The following ARID3A variants were observed in gnomAD, a reference collection of about 807,000 sequenced individuals.
ARID3A encodes AT-rich interaction domain 3A.
A neutral mutation model predicts 52.7 loss-of-function variants in ARID3A; 11 were observed. That is an observed-to-expected ratio of 0.21 (90% CI 0.13 to 0.35). The LOEUF is 0.35. Ranked by LOEUF, ARID3A falls within the 10% of genes least tolerant of loss-of-function variation. The pLI is 1.00. For missense variants in ARID3A, 721 were observed against 838.5 expected (o/e 0.86, Z 1.73); for synonymous variants, 404 against 359.4 (o/e 1.12, Z -1.40).
At chr19:932,794 G>T in intron 3 of ARID3A, 52 bp downstream of exon 3, 2 of 1,543,208 alleles carry the variant, frequency 1.3e-6, no homozygotes, top group South Asian at 1.2e-5. Flanking sequence ...CTGGGCCAGT[G>T]GGGCCCTTTG....
intron 3 of ARID3A, among the ~76,000 whole-genome samples, chr19:936,206 A>G (rs2037435492): frequency 6.6e-6 from 1 of 152,254 alleles, no homozygotes; most frequent in African/African-American, 2.4e-5. Flanking sequence ...ATGAATCTTA[A>G]AAAACAGCTT....
At chr19:957,185 T>G (rs2037939566) in intron 3 of ARID3A, among the ~76,000 whole-genome samples, 2 of 151,960 alleles carry the variant, frequency 1.3e-5, no homozygotes, top group African/African-American at 4.8e-5. Flanking sequence ...TGGAAGACGT[T>G]CCGGGGCCTG....
At chr19:935,948 G>A (rs1335347195) in intron 3 of ARID3A, among the ~76,000 whole-genome samples, 1 of 152,102 alleles carries the variant, frequency 6.6e-6, no homozygotes, top group Non-Finnish European at 1.5e-5. Flanking sequence ...CCGCCACCGC[G>A]CCCGGCTAAT....
chr19:932,499 G>T lies in ARID3A; in HGVS notation c.450G>T (p.Glu150Asp), dbSNP rs201472856. ...AGGAGGAGGAGGATTACGAGGATGA[G>T]GAGGAGGAGGAGGACGAGGAGGGGC... ...EEEEEEDYED[E>D]EEEEDEEGLG... Residue 150 changes from glutamate to aspartate, a missense_variant, in exon 3 of 9, where the codon GAG becomes GAT. Coordinates refer to ENST00000263620, the MANE Select transcript of ARID3A (RefSeq NM_005224.3). The T allele has an allele frequency of 2.8e-6, 4 of 1,442,340 alleles. No individual in the cohort carries two copies. The East Asian group carries it at 7.7e-5, about 28-fold the overall frequency. 89.3% of individuals were successfully genotyped at this position (1,442,340 alleles called of 1,614,324 possible). A position where few individuals can be genotyped will look rare whatever the true frequency, so the allele number is the denominator to read the frequency against.
chr19:966,891 C>T (rs113560697), intron 7 of ARID3A, 23 bp downstream of exon 7: 164,567 of 1,579,264 alleles, frequency 0.1, 10,115 homozygotes, highest in South Asian at 0.26. Context: ...TGCCCAGACC[C>T]GCTGTGCTTC....
chr19:941,779 C>CTGTGTG lies in ARID3A; in HGVS notation c.693+9061_693+9066dup, dbSNP rs34643064. On this transcript the variant is annotated intron_variant, in intron 3 of 8. Coordinates refer to ENST00000263620, the MANE Select transcript of ARID3A (RefSeq NM_005224.3). The surrounding 1 kb of genome is among the most constrained non-coding windows in gnomAD (Gnocchi z 6.9). ...TCTCTTGTGTTTTGTGTGGATGTGG[C>CTGTGTG]TGTGTGTGTGTGTGTGTGTGTGTGT... Among the ~76,000 whole-genome samples, 2,598 of 146,226 alleles carry CTGTGTG rather than the reference C, an allele frequency of 0.018. 21 individuals carry two copies. The highest frequency in any genetic ancestry group is 0.027 in the African/African-American group (1,081 of 39,610).
At position 960,162 on chromosome 19, in the gene ARID3A, G is replaced by A; in HGVS notation, c.764G>A (p.Arg255Gln). 3 of 1,610,922 alleles carry A rather than the reference G, an allele frequency of 1.9e-6. No individual in the cohort carries two copies. Among genetic ancestry groups the A allele is most frequent in the Non-Finnish European group, 2.5e-6 (3 of 1,178,216 alleles). ...GACTTGTTCAGCTTCATGCAGAAGC[G>A]AGGTGAGCCCTCTGCCCCCACCCCG... The part of the protein sequence containing the change: ...LDDLFSFMQK[R>Q]GTPVNRIPIM... The change falls in exon 4 of 9, where the codon CGA (arginine) becomes CAA (glutamine). Residue 255 changes from arginine (R) to glutamine (Q), a missense_variant and splice_region_variant. Coordinates refer to ENST00000263620, the MANE Select transcript of ARID3A (RefSeq NM_005224.3). The surrounding 1 kb of genome is among the most constrained non-coding windows in gnomAD (Gnocchi z 4.3).
intron 3 of ARID3A, among the ~76,000 whole-genome samples, chr19:945,281 CAGA>C (rs1250067058): frequency 6.6e-6 from 1 of 152,248 alleles, no homozygotes; most frequent in African/African-American, 2.4e-5. Flanking sequence ...GGGATGGTAT[CAGA>C]AGGAGTGCAG....
rs2038303694 is a variant in ARID3A at position 972,666 on chromosome 19, G to A, written c.*601G>A. On this transcript the variant is annotated 3_prime_UTR_variant, in exon 9 of 9. Transcript: ENST00000263620. ...TCTGTAGGGTTTTTAAGAGGTTTCG[G>A]GGGTTTTGTTGTGTAAATATTCTAT... 4.5e-6 allele frequency: 1 copy of A among 220,714 alleles called. No homozygotes were observed. Among genetic ancestry groups the A allele is most frequent in the Admixed American group, 5.8e-5 (1 of 17,210 alleles). 13.7% of individuals were successfully genotyped at this position (220,714 alleles called of 1,614,324 possible).
In ARID3A at chr19:973,333, C is replaced by T. The variant is rs373681045; in HGVS notation, c.*1268C>T. On this transcript the variant is annotated 3_prime_UTR_variant, in exon 9 of 9. Coordinates refer to ENST00000263620, the MANE Select transcript of ARID3A (RefSeq NM_005224.3). ...TTTGCCATGTTGGTCAGGCTGATCT[C>T]GAACTCCTGACCTCAGGTGATCTGC... 1 of 179,238 alleles carries T rather than the reference C, an allele frequency of 5.6e-6. No individual in the cohort carries two copies. Among genetic ancestry groups the T allele is most frequent in the South Asian group, 2.0e-4 (1 of 5,038 alleles). The allele number at this position is 179,238 out of a possible 1,614,324, so 11.1% of individuals were successfully genotyped here.
Position 966,853 on chromosome 19 carries a change from C to A in ARID3A, c.1480C>A (p.Arg494=). 6.2e-7 allele frequency: 1 copy of A among 1,609,788 alleles called. No homozygotes were observed. Among genetic ancestry groups the A allele is most frequent in the Non-Finnish European group, 8.5e-7 (1 of 1,177,224 alleles). ...AMAAQLPMSI[R]INSQASESRQ... The stretch of plus-strand genomic sequence containing the variant: ...GGCGGCCCAGCTGCCCATGAGCATT[C>A]GGATCAACAGCCAAGGTACTGCCCT... Residue 494 remains arginine (R), a synonymous_variant, in exon 7 of 9, where the codon CGG becomes AGG. Coordinates refer to ENST00000263620, the MANE Select transcript of ARID3A (RefSeq NM_005224.3).
rs749229442 is a variant in ARID3A, at chr19:944,657, G to C, written c.693+11915G>C. 3.9e-5 allele frequency among the ~76,000 whole-genome samples: 6 copies of C among 152,144 alleles called. No individual in the cohort carries two copies. Among genetic ancestry groups the C allele is most frequent in the Non-Finnish European group, 7.4e-5 (5 of 68,022 alleles). ...GGGGTGGATTTTGAGACAGGGTCTCGTGCTGTCACCCAGGCTGGAGTGCCG... is the reference window on the plus strand; with the variant it reads ...GGGGTGGATTTTGAGACAGGGTCTCCTGCTGTCACCCAGGCTGGAGTGCCG... On this transcript the variant is annotated intron_variant, in intron 3 of 8. Transcript: ENST00000263620. This position sits in a 1 kb window ranked among gnomAD's most constrained non-coding sequence, Gnocchi z 5.9.
At chr19:969,808 C>G (rs189220836) in intron 8 of ARID3A, among the ~76,000 whole-genome samples, 5 of 151,172 alleles carry the variant, frequency 3.3e-5, no homozygotes, top group Non-Finnish European at 7.4e-5. Flanking sequence ...CTGCCTCAGC[C>G]TCCCCAAGTA....
At chr19:932,920 C>T (rs1230344033) in intron 3 of ARID3A, among the ~76,000 whole-genome samples, 178 bp downstream of exon 3, 2 of 152,156 alleles carry the variant, frequency 1.3e-5, no homozygotes, top group African/African-American at 4.8e-5. Flanking sequence ...GACCAGCTGG[C>T]TGTTCATTGC....
chr19:973,104 A>ATTTTTTTTTATTTTTTTTTT lies in ARID3A; in HGVS notation c.*1048_*1049insATTTTTTTTTTTTTTTTTTT, dbSNP rs2038315135. ...GGGCTCTCGAGTCAGGGGCCTGGAA[A>ATTTTTTTTTATTTTTTTTTT]TTTTTTTTTTTTTTTTTTTTTGAGA... On this transcript the variant is annotated 3_prime_UTR_variant, in exon 9 of 9. Transcript: ENST00000263620. The ATTTTTTTTTATTTTTTTTTT allele has an allele frequency of 1.3e-4, 7 of 53,504 alleles. No homozygotes were observed. Among genetic ancestry groups the ATTTTTTTTTATTTTTTTTTT allele is most frequent in the African/African-American group, 4.9e-4 (7 of 14,244 alleles). 3.3% of individuals were successfully genotyped at this position (53,504 alleles called of 1,614,324 possible).
chr19:969,531 C>T (rs1216847561), intron 8 of ARID3A, among the ~76,000 whole-genome samples: 2 of 151,262 alleles, frequency 1.3e-5, no homozygotes, highest in African/African-American at 4.9e-5. Flanking sequence ...AGTGAGATCC[C>T]GTCCTTCTCT....
intron 1 of ARID3A, among the ~76,000 whole-genome samples, chr19:926,457 C>CT (rs2037201768): frequency 1.3e-5 from 2 of 150,282 alleles, no homozygotes; most frequent in Admixed American, 1.3e-4. Flanking sequence ...GCGCCCCCCC[C>CT]TCCCCAGCGG....
Position 929,522 on chromosome 19 carries a change from C to A in ARID3A, c.-7C>A. ...GTGGTGGTGGTGGTGGCCCGGGCCG[C>A]AGGGCCATGAAACTACAGGCCGTGA... On this transcript the variant is annotated 5_prime_UTR_variant, in exon 2 of 9. Coordinates refer to ENST00000263620, the MANE Select transcript of ARID3A (RefSeq NM_005224.3). This position sits in a 1 kb window ranked among gnomAD's most constrained non-coding sequence, Gnocchi z 6.2. 1 of 1,510,496 alleles carries A rather than the reference C, an allele frequency of 6.6e-7. No homozygotes were observed. The highest frequency in any genetic ancestry group is 8.8e-7 in the Non-Finnish European group (1 of 1,135,690). 93.6% of individuals were successfully genotyped at this position (1,510,496 alleles called of 1,614,324 possible).
At chr19:971,280 C>T (rs2038271824) in intron 8 of ARID3A, among the ~76,000 whole-genome samples, 2 of 152,130 alleles carry the variant, frequency 1.3e-5, no homozygotes, top group South Asian at 4.2e-4. Context: ...CCAGCCTGGG[C>T]AACATATTGA....
Sources: allele counts gnomAD v4.1 joint callset (sites outside exome capture counted in the v4.1 genomes callset), GRCh38; gene constraint gnomAD v4.1.1; non-coding constraint Gnocchi (gnomAD v3.1); transcripts MANE v1.5; gene names NCBI Gene and HGNC (gene_info 2026-07-23, HGNC 2026-07-21).